The following ZFR variants were observed in gnomAD, a reference collection of about 807,000 sequenced individuals.
ZFR encodes the protein zinc finger RNA binding protein, also known as zinc finger RNA-binding protein.
Under a neutral mutation model 130.7 loss-of-function variants are expected in ZFR, and 19 were observed. That is an observed-to-expected ratio of 0.15 (90% CI 0.10 to 0.21). The LOEUF is 0.21. Ranked by LOEUF, ZFR falls within the 10% of genes least tolerant of loss-of-function variation. ZFR has a pLI of 1.00. For synonymous variants in ZFR, 466 were observed against 456.9 expected, an observed-to-expected ratio of 1.02 and a Z score of -0.25; for missense variants, 872 against 1,321.5, an observed-to-expected ratio of 0.66 and a Z score of 5.27.
At chr5:32,392,831 C>T (rs1347163668) in intron 11 of ZFR, among the ~76,000 whole-genome samples, 1 of 152,104 alleles carries the variant, frequency 6.6e-6, no homozygotes, top group African/African-American at 2.4e-5. Context: ...CCCATCCCTA[C>T]TAAAAATGCA....
chr5:32,410,714 T>C (rs1366317232), intron 5 of ZFR, among the ~76,000 whole-genome samples: 1 of 152,204 alleles, frequency 6.6e-6, no homozygotes, highest in Non-Finnish European at 1.5e-5. Context: ...AGTAAATTCA[T>C]CATGCTACAA....
intron 2 of ZFR, among the ~76,000 whole-genome samples, chr5:32,434,702 A>G (rs1262360296): frequency 2.6e-5 from 4 of 152,256 alleles, no homozygotes; most frequent in Non-Finnish European, 5.9e-5. Context: ...TTAAGATCCC[A>G]TGATGTAAAT....
At chr5:32,359,107 C>T (rs954399408) in intron 19 of ZFR, among the ~76,000 whole-genome samples, 4 of 151,722 alleles carry the variant, frequency 2.6e-5, no homozygotes, top group South Asian at 4.2e-4. Flanking sequence ...TTGTGTGAGA[C>T]GGGGAGGTTG....
intron 2 of ZFR, among the ~76,000 whole-genome samples, chr5:32,427,374 CAAAAAA>C (rs540663022): frequency 1.2e-4 from 8 of 66,504 alleles, no homozygotes; most frequent in African/African-American, 5.2e-4. Context: ...GACTCTGTCT[CAAAAAA>C]AAAAAAAAAA....
chr5:32,426,989 C>T (rs1246936311), intron 2 of ZFR, among the ~76,000 whole-genome samples: 1 of 148,732 alleles, frequency 6.7e-6, no homozygotes, highest in African/African-American at 2.5e-5. Flanking sequence ...AAACACTAAA[C>T]ACTCCACAAA....
intron 19 of ZFR, among the ~76,000 whole-genome samples, 170 bp downstream of exon 19, chr5:32,363,778 A>C (rs994789498): frequency 3.3e-5 from 5 of 152,216 alleles, no homozygotes; most frequent in Non-Finnish European, 7.3e-5. Context: ...CTATTAGTGA[A>C]ATCTAGTTTT....
At chr5:32,423,790 C>T (rs1581711351) in intron 2 of ZFR, among the ~76,000 whole-genome samples, 2 of 152,128 alleles carry the variant, frequency 1.3e-5, no homozygotes, top group Admixed American at 1.3e-4. Context: ...ATCCTGTCTC[C>T]AGAGAGGGAA....
chr5:32,379,741 C>A, intron 16 of ZFR: 1 of 203,050 alleles, frequency 4.9e-6, no homozygotes, highest in Non-Finnish European at 1.0e-5. Context: ...TTATTTAAAG[C>A]AAAGTTAATC....
intron 19 of ZFR, among the ~76,000 whole-genome samples, chr5:32,358,635 A>C (rs1173624774): frequency 2.0e-5 from 3 of 151,574 alleles, no homozygotes; most frequent in Non-Finnish European, 4.4e-5. Context: ...GTCTCAAAGA[A>C]AAAAAAAAAT....
intron 2 of ZFR, among the ~76,000 whole-genome samples, chr5:32,429,913 T>A (rs891443402): frequency 5.3e-5 from 8 of 150,640 alleles, no homozygotes; most frequent in Admixed American, 1.3e-4. Flanking sequence ...TAAAAAAAAA[T>A]TTTTTTTTGT....
chr5:32,392,505 A>G (rs149338516), intron 11 of ZFR, among the ~76,000 whole-genome samples: 2 of 152,364 alleles, frequency 1.3e-5, no homozygotes, highest in African/African-American at 4.8e-5. Context: ...AAATCAACAC[A>G]TAAGAAAAAA....
At chr5:32,428,153 C>T (rs548298495) in intron 2 of ZFR, among the ~76,000 whole-genome samples, 11 of 152,294 alleles carry the variant, frequency 7.2e-5, no homozygotes, top group East Asian at 5.8e-4. Flanking sequence ...CTGAGTGCAG[C>T]GACTCTGTGT....
intron 3 of ZFR, 63 bp from the exon 4 acceptor site, chr5:32,417,855 T>A: frequency 6.7e-7 from 1 of 1,503,456 alleles, no homozygotes; most frequent in Non-Finnish European, 9.1e-7. Context: ...AAATACTTAC[T>A]GTATAGAAGT....
rs541396229 is a variant in ZFR, at chr5:32,395,012, T to C, written c.1979+147A>G. 694 of 1,143,650 alleles carry C rather than the reference T, an allele frequency of 6.1e-4. 3 individuals are homozygous for C. The African/African-American group carries it at 9.0e-3, about 15-fold the overall frequency. 70.8% of individuals were successfully genotyped at this position (1,143,650 alleles called of 1,614,324 possible). The stretch of plus-strand genomic sequence containing the variant: ...GCCAGTAACAATTTTAATGCATGTC[T>C]TTCCTAGACCTAGGATCTTCCTCAA... On this transcript the variant is annotated intron_variant, in intron 11 of 19. Coordinates refer to ENST00000265069, the MANE Select transcript of ZFR (RefSeq NM_016107.5).
chr5:32,355,951 A>T lies in ZFR; in HGVS notation c.3046-12T>A. ...AGTCTCAATGCAAACTGCAACAAAGAGAGTCAGAATTTTGAGTTAATTGAA... is the reference window on the plus strand; with the variant it reads ...AGTCTCAATGCAAACTGCAACAAAGTGAGTCAGAATTTTGAGTTAATTGAA... On this transcript the variant is annotated splice_polypyrimidine_tract_variant and intron_variant, in intron 19 of 19. Coordinates refer to ENST00000265069, the MANE Select transcript of ZFR (RefSeq NM_016107.5). 6.4e-7 allele frequency: 1 copy of T among 1,572,842 alleles called. No individual in the cohort carries two copies. The highest frequency in any genetic ancestry group is 8.6e-7 in the Non-Finnish European group (1 of 1,164,320).
intron 9 of ZFR, among the ~76,000 whole-genome samples, chr5:32,398,243 A>C (rs1331699074): frequency 6.6e-6 from 1 of 152,214 alleles, no homozygotes; most frequent in Non-Finnish European, 1.5e-5. Context: ...ATAGTTACTG[A>C]ATAATTGCTG....
intron 4 of ZFR, among the ~76,000 whole-genome samples, chr5:32,416,649 G>A (rs1753833132): frequency 6.7e-6 from 1 of 149,850 alleles, no homozygotes; most frequent in Non-Finnish European, 1.5e-5. Context: ...CACAGGAATA[G>A]TCAGATAGTC....
intron 2 of ZFR, 33 bp from the exon 3 acceptor site, chr5:32,420,136 C>T: frequency 6.9e-7 from 1 of 1,444,154 alleles, no homozygotes; most frequent in Non-Finnish European, 9.2e-7. Flanking sequence ...AAATATAATA[C>T]AATTTTAATA....
At chr5:32,426,816 T>A (rs1754082833) in intron 2 of ZFR, among the ~76,000 whole-genome samples, 1 of 151,466 alleles carries the variant, frequency 6.6e-6, no homozygotes, top group South Asian at 2.1e-4. Flanking sequence ...AGCACGGGAA[T>A]TGCTTGAAAA....
Sources: allele counts gnomAD v4.1 joint callset (sites outside exome capture counted in the v4.1 genomes callset), GRCh38; gene constraint gnomAD v4.1.1; transcripts MANE v1.5; gene names NCBI Gene and HGNC (gene_info 2026-07-23, HGNC 2026-07-21).